Variants in RHCG observed in about 807,000 individuals in gnomAD.
The protein encoded by RHCG is Rh family C glycoprotein, also known as ammonium transporter Rh type C.
A neutral mutation model predicts 55.3 loss-of-function variants in RHCG; 39 were observed. The observed-to-expected ratio is 0.70, with a 90% CI of 0.55 to 0.92. The LOEUF is 0.92. Among genes scored for constraint, RHCG ranks in the 40% least tolerant of loss-of-function variants. The pLI, the probability that RHCG is intolerant of heterozygous loss-of-function variation, is 0.00. For missense variants in RHCG, 635 were observed against 627.9 expected (o/e 1.01, Z -0.12); for synonymous variants, 250 against 246.8 (o/e 1.01, Z -0.12).
intron 9 of RHCG, among the ~76,000 whole-genome samples, chr15:89,475,388 A>G (rs1157313287): frequency 6.6e-6 from 1 of 152,130 alleles, no homozygotes; most frequent in East Asian, 1.9e-4. Flanking sequence ...GATTATAGGC[A>G]TGAGACACTG....
chr15:89,481,914 G>A (rs1238180347), intron 3 of RHCG, among the ~76,000 whole-genome samples: 1 of 152,126 alleles, frequency 6.6e-6, no homozygotes, highest in Non-Finnish European at 1.5e-5. Flanking sequence ...CGATTCTCCT[G>A]CCTCAGCCTC....
chr15:89,471,918 C>G (rs1255131497), intron 10 of RHCG, 63 bp from the exon 11 acceptor site: 1 of 152,296 alleles, frequency 6.6e-6, no homozygotes, highest in East Asian at 1.9e-4. Flanking sequence ...TCTCAGGCAC[C>G]ATTTTCTTTT....
chr15:89,491,162 G>C (rs2141902144), intron 1 of RHCG, among the ~76,000 whole-genome samples: 1 of 152,264 alleles, frequency 6.6e-6, no homozygotes, highest in East Asian at 1.9e-4. Context: ...GGCTGCCTTG[G>C]CCTCTGTGTG....
Position 89,477,153 on chromosome 15 carries a change from G to T in RHCG, c.1166C>A (p.Thr389Lys). ...QGFNGDWTARTQGKFQIYGLL... is the reference protein window; with the variant it reads ...QGFNGDWTARKQGKFQIYGLL... ...ACCATAAATCTGGAACTTTCCCTGT[G>T]TTCTTGCGGTCCAGTCCCCGTTGAA... Residue 389 changes from threonine (T) to lysine (K), a missense_variant, in exon 8 of 11, where the codon ACA becomes AAA. Thr to Lys is a moderately conservative substitution (Grantham distance 78). Coordinates refer to ENST00000268122, the MANE Select transcript of RHCG (RefSeq NM_016321.3). The surrounding 1 kb of genome is among the most constrained non-coding windows in gnomAD (Gnocchi z 4.5). The T allele has an allele frequency of 1.9e-6, 3 of 1,614,094 alleles. No individual in the cohort carries two copies. Among genetic ancestry groups the T allele is most frequent in the Non-Finnish European group, 2.5e-6 (3 of 1,180,012 alleles).
In RHCG at chr15:89,486,599, A is replaced by AGAGAGTGAGTGTGT; in HGVS notation, c.371+199_371+200insACACACTCACTCTC. The AGAGAGTGAGTGTGT allele has an allele frequency of 3.4e-5, 9 of 264,444 alleles. No homozygotes were observed. The Admixed American group carries it at 3.8e-4, about 11-fold the overall frequency. The allele number at this position is 264,444 out of a possible 1,614,324, so 16.4% of individuals were successfully genotyped here. On this transcript the variant is annotated intron_variant, in intron 2 of 10. Transcript: ENST00000268122. The stretch of plus-strand genomic sequence containing the variant: ...GAGAGAGAGAGAGAGAGAGAGAGAG[A>AGAGAGTGAGTGTGT]GTGTGTGTGTGTGTGTGTGTGTGTG...
At chr15:89,486,763 A>G in intron 2 of RHCG, 36 bp downstream of exon 2, 2 of 1,560,192 alleles carry the variant, frequency 1.3e-6, no homozygotes, top group Non-Finnish European at 1.7e-6. Flanking sequence ...CATCCCTCCC[A>G]GTCCGCCACG....
chr15:89,476,010 TCG>T (rs199915076), intron 9 of RHCG, among the ~76,000 whole-genome samples: 8,905 of 151,038 alleles, frequency 0.059, 863 homozygotes, highest in African/African-American at 0.2. Flanking sequence ...TCTCTTGCTC[TCG>T]CTCTCTCTCT....
chr15:89,495,748 T>C (rs1005870008), intron 1 of RHCG, among the ~76,000 whole-genome samples: 6 of 152,172 alleles, frequency 3.9e-5, no homozygotes, highest in African/African-American at 1.4e-4. Flanking sequence ...GATGAGGAAA[T>C]TGAGGTTTAG....
At chr15:89,474,665 A>G (rs1290834581) in intron 9 of RHCG, among the ~76,000 whole-genome samples, 1 of 152,232 alleles carries the variant, frequency 6.6e-6, no homozygotes, top group Non-Finnish European at 1.5e-5. Flanking sequence ...ATGTTCCTCA[A>G]CTGCTGAAAG....
chr15:89,483,238 G>A (rs983937119), intron 2 of RHCG, 21 bp from the exon 3 acceptor site: 2 of 1,512,578 alleles, frequency 1.3e-6, no homozygotes, highest in African/African-American at 2.7e-5. Context: ...ACAGGCCAGT[G>A]GAGAAGCTGG....
At position 89,486,595 on chromosome 15, in the gene RHCG, A is replaced by AGTGTGTGT. The variant is rs750785557; in HGVS notation, c.371+203_371+204insACACACAC. The AGTGTGTGT allele has an allele frequency of 9.5e-4, 318 of 333,128 alleles. 1 individual carries two copies. The highest frequency in any genetic ancestry group is 3.0e-3 in the East Asian group (36 of 11,926). The allele number at this position is 333,128 out of a possible 1,614,324, so 20.6% of individuals were successfully genotyped here. A position where few individuals can be genotyped will look rare whatever the true frequency, so the allele number is the denominator to read the frequency against. On this transcript the variant is annotated intron_variant, in intron 2 of 10. Transcript: ENST00000268122. The stretch of plus-strand genomic sequence containing the variant: ...GAGAGAGAGAGAGAGAGAGAGAGAG[A>AGTGTGTGT]GAGAGTGTGTGTGTGTGTGTGTGTG...
chr15:89,492,149 C>G lies in RHCG; in HGVS notation c.184+4212G>C, dbSNP rs75454963. On this transcript the variant is annotated intron_variant, in intron 1 of 10. Transcript: ENST00000268122. ...AGCTGTCCTGCCCAGAACTGGCTTC[C>G]TCAACCTGGAGGTCCCTGATGGGGC... Among the ~76,000 whole-genome samples, 539 of 152,304 alleles carry G rather than the reference C, an allele frequency of 3.5e-3. 3 individuals carry two copies. Among genetic ancestry groups the G allele is most frequent in the African/African-American group, 0.012 (508 of 41,572 alleles).
intron 4 of RHCG, 99 bp from the exon 5 acceptor site, chr15:89,479,587 C>T: frequency 1.8e-6 from 2 of 1,103,456 alleles, no homozygotes; most frequent in Non-Finnish European, 2.6e-6. Flanking sequence ...CTAGAGATGA[C>T]CCCACACCCA....
At chr15:89,486,617 T>A (rs935714905) in intron 2 of RHCG, 182 bp downstream of exon 2, 6 of 548,212 alleles carry the variant, frequency 1.1e-5, no homozygotes, top group Admixed American at 6.7e-5. Context: ...TGTGTGTGTG[T>A]GTGTGTGTGT....
Position 89,479,407 on chromosome 15 carries a change from A to G in RHCG, c.752T>C (p.Ile251Thr). 6.2e-7 allele frequency: 1 copy of G among 1,614,170 alleles called. No homozygotes were observed. The highest frequency in any genetic ancestry group is 8.5e-7 in the Non-Finnish European group (1 of 1,180,030). ...YHGDSQHRAAINTYCSLAACV... is the reference protein window; with the variant it reads ...YHGDSQHRAATNTYCSLAACV... ...GGCTGCCAAGGAGCAGTAGGTGTTG[A>G]TGGCGGCTCGGTGCTGGCTGTCCCC... Residue 251 changes from isoleucine (I) to threonine (T), a missense_variant, in exon 5 of 11, where the codon ATC becomes ACC. By Grantham distance (89) the Ile-to-Thr change is moderately conservative. Coordinates refer to ENST00000268122, the MANE Select transcript of RHCG (RefSeq NM_016321.3).
In RHCG at chr15:89,477,288, G is replaced by A; in HGVS notation, c.1113-82C>T. On this transcript the variant is annotated intron_variant, in intron 7 of 10. Coordinates refer to ENST00000268122, the MANE Select transcript of RHCG (RefSeq NM_016321.3). This position sits in a 1 kb window ranked among gnomAD's most constrained non-coding sequence, Gnocchi z 4.5. ...GCTGCCACCCCAAAAATGTGACCGGGTACCACGGGCCTCAGCCTTCCCACC... is the reference window on the plus strand; with the variant it reads ...GCTGCCACCCCAAAAATGTGACCGGATACCACGGGCCTCAGCCTTCCCACC... 1 of 1,571,560 alleles carries A rather than the reference G, an allele frequency of 6.4e-7. No homozygotes were observed. Among genetic ancestry groups the A allele is most frequent in the Non-Finnish European group, 8.7e-7 (1 of 1,149,822 alleles).
At position 89,479,550 on chromosome 15, in the gene RHCG, C is replaced by T. The variant is rs1336628637; in HGVS notation, c.671-62G>A. The T allele has an allele frequency of 3.4e-6, 5 of 1,453,144 alleles. No individual in the cohort carries two copies. The Admixed American group carries it at 6.2e-5, about 18-fold the overall frequency. 90.0% of individuals were successfully genotyped at this position (1,453,144 alleles called of 1,614,324 possible). On this transcript the variant is annotated intron_variant, in intron 4 of 10. Coordinates refer to ENST00000268122, the MANE Select transcript of RHCG (RefSeq NM_016321.3). ...AGAGGCATTAGATACAGCCCCACAGCTCAGGCAGGCATCCTGTCCTTTAGC... is the reference window on the plus strand; with the variant it reads ...AGAGGCATTAGATACAGCCCCACAGTTCAGGCAGGCATCCTGTCCTTTAGC...
Position 89,477,331 on chromosome 15 carries a change from G to A in RHCG, c.1113-125C>T, listed in dbSNP as rs1434804511. ...TTCCCACCCACAACATGGGGACACC[G>A]GACATATCAGTTGGCCTCTAAAACT... On this transcript the variant is annotated intron_variant, in intron 7 of 10. Transcript: ENST00000268122. The surrounding 1 kb of genome is among the most constrained non-coding windows in gnomAD (Gnocchi z 4.5). 10 of 1,426,170 alleles carry A rather than the reference G, an allele frequency of 7.0e-6. No individual in the cohort carries two copies. Among genetic ancestry groups the A allele is most frequent in the African/African-American group, 4.2e-5 (3 of 70,662 alleles). The allele number at this position is 1,426,170 out of a possible 1,614,324, so 88.3% of individuals were successfully genotyped here. A position where few individuals can be genotyped will look rare whatever the true frequency, so the allele number is the denominator to read the frequency against.
chr15:89,472,658 G>A lies in RHCG; in HGVS notation c.*24+53C>T, dbSNP rs892283214. 9.1e-6 allele frequency: 14 copies of A among 1,531,456 alleles called. No individual in the cohort carries two copies. The African/African-American group carries it at 1.8e-4, about 20-fold the overall frequency. 94.9% of individuals were successfully genotyped at this position (1,531,456 alleles called of 1,614,324 possible). A position where few individuals can be genotyped will look rare whatever the true frequency, so the allele number is the denominator to read the frequency against. The stretch of plus-strand genomic sequence containing the variant: ...TAGTAACATCTGATTCTGAGAGCTG[G>A]GCCCCCACTGGGAGAACCTCCCTGT... On this transcript the variant is annotated intron_variant, in intron 10 of 10. Coordinates refer to ENST00000268122, the MANE Select transcript of RHCG (RefSeq NM_016321.3).
Sources: allele counts gnomAD v4.1 joint callset (sites outside exome capture counted in the v4.1 genomes callset), GRCh38; gene constraint gnomAD v4.1.1; non-coding constraint Gnocchi (gnomAD v3.1); transcripts MANE v1.5; gene names NCBI Gene and HGNC (gene_info 2026-07-23, HGNC 2026-07-21).